Variants in CABLES1 observed in about 807,000 individuals in gnomAD.
CABLES1 encodes the protein Cdk5 and Abl enzyme substrate 1.
Under a neutral mutation model 57.8 loss-of-function variants are expected in CABLES1, and 36 were observed. The observed-to-expected ratio is 0.62, with a 90% CI of 0.48 to 0.82. The LOEUF is 0.82. CABLES1 is among the 40% of genes least tolerant of loss of function. CABLES1 has a pLI of 0.00. For synonymous variants in CABLES1, 374 were observed against 363.0 expected (o/e 1.03, Z -0.35); for missense variants, 767 against 836.6 (o/e 0.92, Z 1.03).
At chr18:23,218,206 GT>G (rs1359554032) in intron 4 of CABLES1, among the ~76,000 whole-genome samples, 2 of 152,200 alleles carry the variant, frequency 1.3e-5, no homozygotes, top group African/African-American at 4.8e-5. Flanking sequence ...AACTTTCTGG[GT>G]TTGTTTTCTG....
chr18:23,159,474 A>G (rs969259121), intron 1 of CABLES1, among the ~76,000 whole-genome samples: 7 of 152,200 alleles, frequency 4.6e-5, no homozygotes, highest in African/African-American at 1.7e-4. Context: ...CTTGAGAGAG[A>G]AAGGCACCTT....
intron 7 of CABLES1, among the ~76,000 whole-genome samples, chr18:23,249,395 C>T (rs145609039): frequency 3.6e-4 from 55 of 152,244 alleles, no homozygotes; most frequent in African/African-American, 1.3e-3. Flanking sequence ...AGTGGCCAAA[C>T]CAGGAGTGGG....
intron 1 of CABLES1, among the ~76,000 whole-genome samples, chr18:23,150,388 A>G (rs1253854424): frequency 6.6e-6 from 1 of 151,340 alleles, no homozygotes; most frequent in African/African-American, 2.4e-5. Flanking sequence ...TTGTGTGTGT[A>G]TGTGTATTTA....
At chr18:23,160,418 T>G (rs1233429994) in intron 1 of CABLES1, among the ~76,000 whole-genome samples, 1 of 152,234 alleles carries the variant, frequency 6.6e-6, no homozygotes, top group East Asian at 1.9e-4. Context: ...GTTTGTCTTC[T>G]GCAAGGCTCT....
intron 4 of CABLES1, among the ~76,000 whole-genome samples, chr18:23,215,076 A>G (rs572157300): frequency 6.6e-6 from 1 of 152,328 alleles, no homozygotes; most frequent in African/African-American, 2.4e-5. Flanking sequence ...TGTGTGCCTT[A>G]AGGAGCGATA....
chr18:23,169,642 C>T (rs187755910), intron 1 of CABLES1, among the ~76,000 whole-genome samples: 1 of 152,332 alleles, frequency 6.6e-6, no homozygotes, highest in Admixed American at 6.5e-5. Context: ...AACTTTATTT[C>T]TTTGGCAAGA....
At chr18:23,161,483 C>G (rs1342179249) in intron 1 of CABLES1, among the ~76,000 whole-genome samples, 1 of 151,106 alleles carries the variant, frequency 6.6e-6, no homozygotes, top group Admixed American at 6.6e-5. Flanking sequence ...GCATCCATCC[C>G]TCCCATAGTT....
At chr18:23,211,790 C>T (rs1457613705) in intron 3 of CABLES1, among the ~76,000 whole-genome samples, 1 of 152,228 alleles carries the variant, frequency 6.6e-6, no homozygotes, top group Non-Finnish European at 1.5e-5. Context: ...GGCACGTAAT[C>T]GATACTTAAT....
intron 4 of CABLES1, chr18:23,219,031 A>C (rs2047465977): frequency 2.7e-6 from 1 of 370,846 alleles, no homozygotes; most frequent in Admixed American, 3.4e-5. Context: ...TTGCTATGTA[A>C]AATTTCTTTA....
chr18:23,161,786 G>A (rs1176197680), intron 1 of CABLES1, among the ~76,000 whole-genome samples: 2 of 150,734 alleles, frequency 1.3e-5, no homozygotes, highest in African/African-American at 4.9e-5. Context: ...GCCAGGTGTG[G>A]TGGTGGGCAC....
At chr18:23,252,728 G>A (rs1289835217) in intron 7 of CABLES1, among the ~76,000 whole-genome samples, 2 of 152,148 alleles carry the variant, frequency 1.3e-5, no homozygotes, top group Non-Finnish European at 2.9e-5. Flanking sequence ...CTACAGGCCG[G>A]CTTTCCTAAG....
At chr18:23,168,766 T>C (rs2047061196) in intron 1 of CABLES1, among the ~76,000 whole-genome samples, 1 of 152,170 alleles carries the variant, frequency 6.6e-6, no homozygotes, top group East Asian at 1.9e-4. Flanking sequence ...AGCTCCTCGC[T>C]CCATGTCCCT....
intron 7 of CABLES1, among the ~76,000 whole-genome samples, chr18:23,246,631 T>C (rs889277779): frequency 2.0e-5 from 3 of 151,606 alleles, no homozygotes; most frequent in Non-Finnish European, 4.4e-5. Flanking sequence ...GACCTTGTGA[T>C]CCGCCCACCT....
intron 8 of CABLES1, 47 bp from the exon 9 acceptor site, chr18:23,253,682 A>ACT (rs778733107): frequency 6.5e-7 from 1 of 1,529,410 alleles, no homozygotes. Flanking sequence ...GTCCACTGAA[A>ACT]CTCTAAGTTT....
rs114714763 is a variant in CABLES1 at position 23,199,851 on chromosome 18, A to C, written c.1010+5311A>C. On this transcript the variant is annotated intron_variant, in intron 3 of 9. Coordinates refer to ENST00000256925, the MANE Select transcript of CABLES1 (RefSeq NM_001100619.3). The stretch of plus-strand genomic sequence containing the variant: ...TTTTATGTTTTATATATGTGTATAT[A>C]TTTTTTCCCACAATAAAATAAAACA... 7.5e-3 allele frequency among the ~76,000 whole-genome samples: 1,139 copies of C among 152,272 alleles called. 16 individuals carry two copies. Among genetic ancestry groups the C allele is most frequent in the African/African-American group, 0.026 (1,095 of 41,550 alleles).
At chr18:23,218,301 C>T (rs1009134287) in intron 4 of CABLES1, among the ~76,000 whole-genome samples, 22 of 143,388 alleles carry the variant, frequency 1.5e-4, no homozygotes, top group African/African-American at 3.7e-4. Flanking sequence ...CTTGCCCTGC[C>T]TCCCGCATCC....
chr18:23,219,086 A>G, intron 4 of CABLES1: 2 of 429,132 alleles, frequency 4.7e-6, no homozygotes, highest in Non-Finnish European at 4.7e-6. Flanking sequence ...CATGCCACCT[A>G]TGTGGAGGTT....
chr18:23,185,382 A>G (rs11875437), intron 1 of CABLES1, among the ~76,000 whole-genome samples: 21,570 of 152,002 alleles, frequency 0.14, 2,199 homozygotes, highest in Admixed American at 0.27. Flanking sequence ...TGTTAATGGG[A>G]CTTCCTGGTG....
intron 4 of CABLES1, among the ~76,000 whole-genome samples, chr18:23,232,573 C>T (rs1174578860): frequency 6.6e-6 from 1 of 152,200 alleles, no homozygotes; most frequent in Non-Finnish European, 1.5e-5. Context: ...CCCTGGGGTG[C>T]CTGCATAGCA....
Sources: allele counts gnomAD v4.1 joint callset (sites outside exome capture counted in the v4.1 genomes callset), GRCh38; gene constraint gnomAD v4.1.1; transcripts MANE v1.5; gene names NCBI Gene and HGNC (gene_info 2026-07-23, HGNC 2026-07-21).